LINGO2: variants seen among roughly 807,000 people sequenced by gnomAD.
LINGO2 encodes the protein leucine rich repeat and Ig domain containing 2, also known as leucine-rich repeat and immunoglobulin-like domain-containing nogo receptor-interacting protein 2.
A neutral mutation model predicts 30.6 loss-of-function variants in LINGO2; 14 were observed. That is an observed-to-expected ratio of 0.46 (90% CI 0.30 to 0.72). The LOEUF (loss-of-function observed/expected upper bound fraction) is 0.72. Ranked by LOEUF, LINGO2 falls within the 30% of genes least tolerant of loss-of-function variation. The pLI is 0.07. For synonymous variants in LINGO2, 317 were observed against 288.5 expected, an observed-to-expected ratio of 1.10 and a Z score of -1.00; for missense variants, 729 against 751.7, an observed-to-expected ratio of 0.97 and a Z score of 0.35.
chr9:28,014,737 ACTGT>A lies in LINGO2; in HGVS notation c.-86-2336_-86-2333del, dbSNP rs1822741370. On this transcript the variant is annotated intron_variant, in intron 4 of 5. Coordinates refer to ENST00000379992, the Ensembl canonical transcript of LINGO2. ...GTTGAGCCACAAATTATATTTTGTG[ACTGT>A]CTGACCTTGAAGGGCCCACAGAAGA... 2.6e-5 allele frequency among the ~76,000 whole-genome samples: 4 copies of A among 152,254 alleles called. No individual in the cohort carries two copies. The South Asian group carries it at 8.3e-4, about 32-fold the overall frequency.
intron 2 of LINGO2, among the ~76,000 whole-genome samples, chr9:28,407,442 G>A (rs1333710455): frequency 6.6e-6 from 1 of 152,054 alleles, no homozygotes; most frequent in African/African-American, 2.4e-5. Flanking sequence ...CCTATTTGGA[G>A]GCAAATGATT....
At chr9:29,035,058 T>C in the LINGO2 span, among the ~76,000 whole-genome samples, 588 of 152,294 alleles carry the variant, frequency 3.9e-3, 5 homozygotes, top group Non-Finnish European at 5.7e-3. Flanking sequence ...AACTGCATTA[T>C]TAAAGCCTCT....
At chr9:29,058,990 T>C in the LINGO2 span, among the ~76,000 whole-genome samples, 1 of 151,960 alleles carries the variant, frequency 6.6e-6, no homozygotes, top group African/African-American at 2.4e-5. Context: ...ATAAAACAGT[T>C]GTAGTTCTTA....
the LINGO2 span, among the ~76,000 whole-genome samples, chr9:29,109,742 AGAGTT>A: frequency 1.3e-5 from 2 of 152,234 alleles, no homozygotes; most frequent in African/African-American, 4.8e-5. Flanking sequence ...TGCAACGCAT[AGAGTT>A]AATTTAGAAA....
chr9:29,034,522 T>A, the LINGO2 span, among the ~76,000 whole-genome samples: 3 of 152,136 alleles, frequency 2.0e-5, no homozygotes, highest in African/African-American at 7.2e-5. Context: ...CATATTTTTG[T>A]TGCTGTTATT....
the LINGO2 span, among the ~76,000 whole-genome samples, chr9:29,153,622 C>G: frequency 1.3e-5 from 2 of 152,112 alleles, no homozygotes; most frequent in African/African-American, 4.8e-5. Context: ...CCAAGCTCAT[C>G]TAAAAACATT....
At chr9:27,961,459 ACACT>A (rs1819842629) in intron 5 of LINGO2, among the ~76,000 whole-genome samples, 1 of 152,154 alleles carries the variant, frequency 6.6e-6, no homozygotes, top group Admixed American at 6.6e-5. Flanking sequence ...ACAGTAAGAA[ACACT>A]CTGCAATTGG....
At chr9:28,659,379 T>C (rs984784605) in intron 1 of LINGO2, among the ~76,000 whole-genome samples, 4 of 152,040 alleles carry the variant, frequency 2.6e-5, no homozygotes, top group African/African-American at 9.7e-5. Context: ...ATATTAAATA[T>C]TGCAGGAGGA....
intron 2 of LINGO2, among the ~76,000 whole-genome samples, chr9:28,401,822 G>A (rs1187151333): frequency 6.6e-6 from 1 of 151,976 alleles, no homozygotes; most frequent in Non-Finnish European, 1.5e-5. Flanking sequence ...TGCAATAATT[G>A]CCATTCTGAC....
At chr9:28,371,232 C>A (rs1025929828) in intron 3 of LINGO2, among the ~76,000 whole-genome samples, 2 of 152,152 alleles carry the variant, frequency 1.3e-5, no homozygotes, top group African/African-American at 2.4e-5. Flanking sequence ...ATGATAGCTC[C>A]ATTTCAACCC....
chr9:28,025,357 C>T (rs1459774638), intron 4 of LINGO2, among the ~76,000 whole-genome samples: 1 of 152,184 alleles, frequency 6.6e-6, no homozygotes, highest in African/African-American at 2.4e-5. Context: ...ATGTCCTGTG[C>T]ATTTCGGCTT....
chr9:29,089,463 T>A, the LINGO2 span, among the ~76,000 whole-genome samples: 3 of 152,072 alleles, frequency 2.0e-5, no homozygotes, highest in African/African-American at 7.2e-5. Flanking sequence ...TGATATAAAC[T>A]AAAAGGCAGA....
At chr9:29,085,645 A>G in the LINGO2 span, among the ~76,000 whole-genome samples, 1 of 152,154 alleles carries the variant, frequency 6.6e-6, no homozygotes, top group Non-Finnish European at 1.5e-5. Flanking sequence ...TTTTACTCTT[A>G]GAAGCCCTAT....
intron 5 of LINGO2, among the ~76,000 whole-genome samples, chr9:27,962,722 T>C (rs1819908695): frequency 6.6e-6 from 1 of 152,172 alleles, no homozygotes; most frequent in South Asian, 2.1e-4. Context: ...TAGCTTTCAC[T>C]GTCAGCAGAA....
the LINGO2 span, among the ~76,000 whole-genome samples, chr9:28,783,259 G>A: frequency 6.6e-6 from 1 of 151,992 alleles, no homozygotes; most frequent in Non-Finnish European, 1.5e-5. Flanking sequence ...CCCTTATAAC[G>A]AAATCCCATA....
chr9:28,437,314 C>A (rs1052309110), intron 2 of LINGO2, among the ~76,000 whole-genome samples: 1 of 152,152 alleles, frequency 6.6e-6, no homozygotes, highest in Admixed American at 6.5e-5. Context: ...CTAGAACTTA[C>A]ACGAGCAGCC....
chr9:28,928,968 GC>G, the LINGO2 span, among the ~76,000 whole-genome samples: 6 of 152,106 alleles, frequency 3.9e-5, 1 homozygote, highest in Non-Finnish European at 8.8e-5. Context: ...AGTGCAGTGG[GC>G]TGCACAAAAG....
intron 1 of LINGO2, among the ~76,000 whole-genome samples, chr9:28,570,322 T>A (rs1441085655): frequency 6.6e-6 from 1 of 151,974 alleles, no homozygotes; most frequent in Admixed American, 6.6e-5. Flanking sequence ...AACATTTGTT[T>A]TTCTCAAATA....
chr9:28,871,118 T>C, the LINGO2 span, among the ~76,000 whole-genome samples: 1 of 151,874 alleles, frequency 6.6e-6, no homozygotes, highest in Non-Finnish European at 1.5e-5. Context: ...TGGGAACCAA[T>C]TTAAATATTT....
Sources: allele counts gnomAD v4.1 joint callset (sites outside exome capture counted in the v4.1 genomes callset), GRCh38; gene constraint gnomAD v4.1.1; transcripts MANE v1.5; gene names NCBI Gene and HGNC (gene_info 2026-07-23, HGNC 2026-07-21).